The following UBE2C variants were observed in gnomAD, a reference collection of about 807,000 sequenced individuals.
UBE2C encodes ubiquitin conjugating enzyme E2 C.
A neutral mutation model predicts 23.5 loss-of-function variants in UBE2C; 16 were observed. The observed-to-expected ratio is 0.68, with a 90% CI of 0.46 to 1.03. The LOEUF is 1.03. Ranked by LOEUF, UBE2C falls within the 50% of genes least tolerant of loss-of-function variation. UBE2C has a pLI of 0.00. For synonymous variants in UBE2C, 76 were observed against 91.6 expected (o/e 0.83, Z 0.97); for missense variants, 192 against 227.6 (o/e 0.84, Z 1.01).
intron 5 of UBE2C, 147 bp downstream of exon 5, chr20:45,816,060 GCTC>G: frequency 1.4e-6 from 1 of 709,302 alleles, no homozygotes; most frequent in South Asian, 1.8e-5. Context: ...CTGCCCCAGT[GCTC>G]CTATTTGCTA....
chr20:45,814,621 C>G, intron 3 of UBE2C, 151 bp downstream of exon 3: 1 of 546,648 alleles, frequency 1.8e-6, no homozygotes. Context: ...TTCTTTCCCT[C>G]TGTGCAATAA....
intron 1 of UBE2C, 178 bp from the exon 2 acceptor site, chr20:45,813,259 T>A (rs1982098261): frequency 1.3e-6 from 2 of 1,501,718 alleles, no homozygotes; most frequent in South Asian, 1.4e-5. Flanking sequence ...TTAGGGAGGG[T>A]GAGGACTCGC....
At chr20:45,813,332 G>A in intron 1 of UBE2C, 105 bp from the exon 2 acceptor site, 1 of 1,604,330 alleles carries the variant, frequency 6.2e-7, no homozygotes, top group Non-Finnish European at 8.5e-7. Context: ...GTGATGTGGG[G>A]AGCCTCCATG....
At chr20:45,813,130 T>A (rs1318252974) in intron 1 of UBE2C, 1 of 1,398,822 alleles carries the variant, frequency 7.1e-7, no homozygotes, top group African/African-American at 1.5e-5. Context: ...ATGAAGACGC[T>A]CAAGGACCCT....
rs1982400124 is a variant in UBE2C, at chr20:45,815,312, A to C, written c.217-229A>C. ...GGCAGGCAGATCACATGAGCCCAGG[A>C]GTTTGAGACTGGCCTGGGCAACATG... On this transcript the variant is annotated intron_variant, in intron 3 of 5. Transcript: ENST00000356455. 2.1e-6 allele frequency: 3 copies of C among 1,447,792 alleles called. No individual in the cohort carries two copies. In the Admixed American group the frequency reaches 6.5e-5, roughly 32 times the overall value. The allele number at this position is 1,447,792 out of a possible 1,614,324, so 89.7% of individuals were successfully genotyped here.
In UBE2C at chr20:45,816,937, T is replaced by A. The variant is rs1006868685; in HGVS notation, c.*170T>A. On this transcript the variant is annotated 3_prime_UTR_variant, in exon 6 of 6. Transcript: ENST00000356455. ...AGCCCTTGTATATTAAATAAATGCA[T>A]TTTTGTCCTTTTTTAGACAAGTTGT... 10 of 544,636 alleles carry A rather than the reference T, an allele frequency of 1.8e-5. No individual in the cohort carries two copies. The Admixed American group carries it at 3.8e-4, about 21-fold the overall frequency. 33.7% of individuals were successfully genotyped at this position (544,636 alleles called of 1,614,324 possible). A position where few individuals can be genotyped will look rare whatever the true frequency, so the allele number is the denominator to read the frequency against.
At chr20:45,815,956 C>T in intron 5 of UBE2C, 43 bp downstream of exon 5, 1 of 1,602,454 alleles carries the variant, frequency 6.2e-7, no homozygotes, top group Non-Finnish European at 8.5e-7. Context: ...CCTCCCCCAA[C>T]CTTCAAAGGC....
chr20:45,816,587 ACAT>A (rs1178794834), intron 5 of UBE2C, 119 bp from the exon 6 acceptor site: 12 of 803,104 alleles, frequency 1.5e-5, no homozygotes, highest in Non-Finnish European at 2.5e-5. Context: ...CAGTGAGCAG[ACAT>A]CATGCTATTG....
At chr20:45,816,269 G>A (rs891536182) in intron 5 of UBE2C, among the ~76,000 whole-genome samples, 8 of 152,128 alleles carry the variant, frequency 5.3e-5, no homozygotes, top group African/African-American at 9.7e-5. Context: ...GGAGAATGCC[G>A]GGCTGGGAAA....
chr20:45,814,674 T>TG (rs1350070552), intron 3 of UBE2C, among the ~76,000 whole-genome samples: 1 of 152,136 alleles, frequency 6.6e-6, no homozygotes, highest in African/African-American at 2.4e-5. Flanking sequence ...GATGTTTACA[T>TG]GGGGGGACAG....
At position 45,813,097 on chromosome 20, in the gene UBE2C, G is replaced by C. The variant is rs1229588674; in HGVS notation, c.101+301G>C. The C allele has an allele frequency of 3.6e-6, 5 of 1,401,008 alleles. No homozygotes were observed. The Admixed American group carries it at 1.6e-4, about 44-fold the overall frequency. The allele number at this position is 1,401,008 out of a possible 1,614,324, so 86.8% of individuals were successfully genotyped here. A position where few individuals can be genotyped will look rare whatever the true frequency, so the allele number is the denominator to read the frequency against. Reference sequence around the variant, plus strand: ...GAATGGGAGGGTAGGGGCGCTGCCAGACTCCTTCCCTGGTGGGCCTAGATG... The same window carrying C: ...GAATGGGAGGGTAGGGGCGCTGCCACACTCCTTCCCTGGTGGGCCTAGATG... On this transcript the variant is annotated intron_variant, in intron 1 of 5. Coordinates refer to ENST00000356455, the MANE Select transcript of UBE2C (RefSeq NM_007019.4).
At chr20:45,816,354 G>A (rs1277697812) in intron 5 of UBE2C, among the ~76,000 whole-genome samples, 2 of 152,114 alleles carry the variant, frequency 1.3e-5, no homozygotes. Flanking sequence ...ATTCATCCTG[G>A]GCCAGGCACA....
chr20:45,814,611 T>A, intron 3 of UBE2C, 141 bp downstream of exon 3: 1 of 583,312 alleles, frequency 1.7e-6, no homozygotes, highest in Non-Finnish European at 2.9e-6. Flanking sequence ...TGTGGCCTTG[T>A]TCTTTCCCTC....
At chr20:45,813,020 G>A in intron 1 of UBE2C, 1 of 1,426,958 alleles carries the variant, frequency 7.0e-7, no homozygotes, top group Non-Finnish European at 9.1e-7. Context: ...AGATTCGAGA[G>A]ATGGGGGACA....
intron 2 of UBE2C, among the ~76,000 whole-genome samples, chr20:45,813,984 A>T (rs1053669107): frequency 7.2e-5 from 11 of 151,766 alleles, no homozygotes; most frequent in African/African-American, 2.4e-4. Context: ...GCATGCCTGT[A>T]ATTTCAGCTA....
Position 45,814,422 on chromosome 20 carries a change from A to T in UBE2C, c.168A>T (p.Ser56=). 1 of 1,611,362 alleles carries T rather than the reference A, an allele frequency of 6.2e-7. No individual in the cohort carries two copies. The highest frequency in any genetic ancestry group is 8.5e-7 in the Non-Finnish European group (1 of 1,178,654). The part of the protein sequence containing the change: ...GDKGISAFPE[S]DNLFKWVGTI... ...AAGGGATTTCTGCCTTCCCTGAATCAGACAACCTTTTCAAATGGGTAGGGA... is the reference window on the plus strand; with the variant it reads ...AAGGGATTTCTGCCTTCCCTGAATCTGACAACCTTTTCAAATGGGTAGGGA... Residue 56 remains serine (S), a synonymous_variant, in exon 3 of 6, where the codon TCA becomes TCT. Coordinates refer to ENST00000356455, the MANE Select transcript of UBE2C (RefSeq NM_007019.4).
In UBE2C at chr20:45,815,834, C is replaced by G; in HGVS notation, c.422-20C>G. ...CAGCCTCTTCTACCGCCTTGACCTT[C>G]TCTTTCTCTCCACCCACAGAACCCA... On this transcript the variant is annotated intron_variant, in intron 4 of 5. Transcript: ENST00000356455. 6.2e-7 allele frequency: 1 copy of G among 1,614,096 alleles called. No homozygotes were observed. The highest frequency in any genetic ancestry group is 2.2e-5 in the East Asian group (1 of 44,876).
At chr20:45,816,636 C>A in intron 5 of UBE2C, 73 bp from the exon 6 acceptor site, 1 of 1,451,632 alleles carries the variant, frequency 6.9e-7, no homozygotes, top group Non-Finnish European at 9.6e-7. Context: ...GACTCCATCT[C>A]AAAAATAATA....
chr20:45,814,118 C>A (rs1250349113), intron 2 of UBE2C, among the ~76,000 whole-genome samples: 1 of 126,606 alleles, frequency 7.9e-6, no homozygotes, highest in Non-Finnish European at 1.7e-5. Flanking sequence ...CTGTCTATCT[C>A]TCTCTCTCAA....
Sources: allele counts gnomAD v4.1 joint callset (sites outside exome capture counted in the v4.1 genomes callset), GRCh38; gene constraint gnomAD v4.1.1; transcripts MANE v1.5; gene names NCBI Gene and HGNC (gene_info 2026-07-23, HGNC 2026-07-21).